The following BPHL variants were observed in gnomAD, a reference collection of about 807,000 sequenced individuals.
BPHL encodes biphenyl hydrolase like.
Under a neutral mutation model 31.2 loss-of-function variants are expected in BPHL, and 27 were observed. The observed-to-expected ratio is 0.87, with a 90% CI of 0.64 to 1.19. The LOEUF (loss-of-function observed/expected upper bound fraction) is 1.19, where lower values mean the gene tolerates loss of function less well. Ranked by LOEUF, BPHL falls within the 50% of genes most tolerant of loss-of-function variation. The pLI is 0.00. For missense variants in BPHL, 356 were observed against 375.7 expected (o/e 0.95, Z 0.43); for synonymous variants, 150 against 146.8 (o/e 1.02, Z -0.16).
intron 6 of BPHL, among the ~76,000 whole-genome samples, chr6:3,151,198 C>T (rs1762513819): frequency 6.6e-6 from 1 of 152,098 alleles, no homozygotes; most frequent in Non-Finnish European, 1.5e-5. Flanking sequence ...TCTATGACCT[C>T]GCAGCATCCT....
intron 4 of BPHL, among the ~76,000 whole-genome samples, chr6:3,133,265 A>G (rs1761922602): frequency 1.3e-5 from 2 of 151,832 alleles, no homozygotes; most frequent in African/African-American, 4.8e-5. Flanking sequence ...GAGTGGCCCC[A>G]TCTTGCCCTA....
chr6:3,133,644 C>G (rs147961203), intron 4 of BPHL, among the ~76,000 whole-genome samples: 2 of 152,244 alleles, frequency 1.3e-5, no homozygotes, highest in East Asian at 3.9e-4. Context: ...TTCCCGCTCC[C>G]TTCCCACTCC....
chr6:3,134,949 C>G (rs1761973494), intron 4 of BPHL, among the ~76,000 whole-genome samples: 1 of 151,920 alleles, frequency 6.6e-6, no homozygotes, highest in South Asian at 2.1e-4. Flanking sequence ...ATTGCCCAGG[C>G]TGGTCTTGAA....
chr6:3,137,388 G>A lies in BPHL; in HGVS notation c.559G>A (p.Glu187Lys), dbSNP rs1306376669. 6 of 1,612,470 alleles carry A rather than the reference G, an allele frequency of 3.7e-6. No individual in the cohort carries two copies. The South Asian group carries it at 4.4e-5, about 12-fold the overall frequency. ...EGIRDVSKWS[E>K]RTRKPLEALY... ...CATCCGAGATGTTTCCAAATGGAGT[G>A]AGAGAACAAGAAAGCCTCTAGAAGC... The change falls in exon 5 of 7, where the codon GAG becomes AAG. Residue 187 changes from glutamate (E) to lysine (K), a missense_variant. Coordinates refer to ENST00000380379, the MANE Select transcript of BPHL (RefSeq NM_004332.4).
intron 1 of BPHL, among the ~76,000 whole-genome samples, chr6:3,123,352 T>C (rs1761625583): frequency 6.6e-6 from 1 of 152,224 alleles, no homozygotes; most frequent in Non-Finnish European, 1.5e-5. Context: ...ATTTTATTTT[T>C]TAATTGACAT....
rs1762136719 is a variant in BPHL, at chr6:3,140,323, GCCT to G, written c.665-58_665-56del. 1.3e-6 allele frequency: 2 copies of G among 1,585,236 alleles called. No homozygotes were observed. Among genetic ancestry groups the G allele is most frequent in the East Asian group, 4.6e-5 (2 of 43,472 alleles). On this transcript the variant is annotated intron_variant, in intron 5 of 6. Transcript: ENST00000380379. This position sits in a 1 kb window ranked among gnomAD's most constrained non-coding sequence, Gnocchi z 5.2. Reference sequence around the variant, plus strand: ...GGAGGGGCAGGGCTCGCCGAGTTTCGCCTCCTCTGACCGCGTAGAATGGTTGCA... The same window carrying G: ...GGAGGGGCAGGGCTCGCCGAGTTTCGCCTCTGACCGCGTAGAATGGTTGCA...
chr6:3,118,679 G>A, upstream of BPHL: 2 of 1,172,368 alleles, frequency 1.7e-6, no homozygotes, highest in Non-Finnish European at 2.2e-6. Context: ...GGGCAGAGTG[G>A]GCCGGGTACC....
intron 1 of BPHL, among the ~76,000 whole-genome samples, chr6:3,122,724 G>C (rs1761610122): frequency 1.3e-5 from 2 of 152,186 alleles, no homozygotes; most frequent in African/African-American, 4.8e-5. Flanking sequence ...CTTATGGACA[G>C]GGCTACTTAG....
At chr6:3,145,022 G>T (rs977717552) in intron 6 of BPHL, among the ~76,000 whole-genome samples, 2 of 152,226 alleles carry the variant, frequency 1.3e-5, no homozygotes, top group Non-Finnish European at 2.9e-5. Flanking sequence ...CTCAGACCTC[G>T]GTTGGAGTGC....
chr6:3,137,508 T>A lies in BPHL; in HGVS notation c.664+15T>A. On this transcript the variant is annotated intron_variant, in intron 5 of 6. Coordinates refer to ENST00000380379, the MANE Select transcript of BPHL (RefSeq NM_004332.4). Reference sequence around the variant, plus strand: ...TCTCCCAGATGGTAGGTTACTGGGCTTGAAGGGCTCTCTGCCTGTTATAGA... The same window carrying A: ...TCTCCCAGATGGTAGGTTACTGGGCATGAAGGGCTCTCTGCCTGTTATAGA... 6.2e-7 allele frequency: 1 copy of A among 1,613,662 alleles called. No individual in the cohort carries two copies. Among genetic ancestry groups the A allele is most frequent in the Non-Finnish European group, 8.5e-7 (1 of 1,179,876 alleles).
At chr6:3,145,898 C>CG (rs1368469553) in intron 6 of BPHL, among the ~76,000 whole-genome samples, 2 of 36,682 alleles carry the variant, frequency 5.5e-5, no homozygotes, top group Non-Finnish European at 1.1e-4. Context: ...TGGTTTGGGT[C>CG]GAGTGCTGGT....
chr6:3,149,210 C>T lies in BPHL; in HGVS notation c.789-3278C>T, dbSNP rs1197021039. On this transcript the variant is annotated intron_variant, in intron 6 of 6. Coordinates refer to ENST00000380379, the MANE Select transcript of BPHL (RefSeq NM_004332.4). This position sits in a 1 kb window ranked among gnomAD's most constrained non-coding sequence, Gnocchi z 4.6. ...TGGTTAGACAAAACTGTCCTGGCCC[C>T]GTAAAGCCAGTGTTTTCCTCCCACG... is the stretch of plus-strand genomic sequence containing the variant. 1.3e-5 allele frequency among the ~76,000 whole-genome samples: 2 copies of T among 152,108 alleles called. No homozygotes were observed. The highest frequency in any genetic ancestry group is 2.4e-5 in the African/African-American group (1 of 41,418).
At chr6:3,143,870 G>C (rs148520051) in intron 6 of BPHL, among the ~76,000 whole-genome samples, 2 of 151,864 alleles carry the variant, frequency 1.3e-5, no homozygotes, top group Non-Finnish European at 3.0e-5. Context: ...TTTCAGACTC[G>C]ACTGCAAACG....
At chr6:3,121,381 T>C (rs983963797) in intron 1 of BPHL, among the ~76,000 whole-genome samples, 6 of 138,626 alleles carry the variant, frequency 4.3e-5, no homozygotes, top group African/African-American at 1.6e-4. Context: ...CTCACTGTAA[T>C]CTTCACCTCC....
chr6:3,140,542 G>A lies in BPHL; in HGVS notation c.788+33G>A, dbSNP rs561351015. On this transcript the variant is annotated intron_variant, in intron 6 of 6. Transcript: ENST00000380379. This position sits in a 1 kb window ranked among gnomAD's most constrained non-coding sequence, Gnocchi z 5.2. ...CTGTCACCGCCTTCACACTCCCCCC[G>A]AGAGCCTCGGAGTCAATGGGCAAAG... is the stretch of plus-strand genomic sequence containing the variant. The A allele has an allele frequency of 1.4e-5, 22 of 1,609,826 alleles. No individual in the cohort carries two copies. The highest frequency in any genetic ancestry group is 3.3e-5 in the Admixed American group (2 of 59,748).
chr6:3,146,375 C>T (rs1762361516), intron 6 of BPHL, among the ~76,000 whole-genome samples: 1 of 111,894 alleles, frequency 8.9e-6, no homozygotes, highest in African/African-American at 3.7e-5. Context: ...AGTGCTGGTT[C>T]CAGTTGAGTG....
chr6:3,152,402 G>C (rs922757682), intron 6 of BPHL, 86 bp from the exon 7 acceptor site: 1 of 1,140,098 alleles, frequency 8.8e-7, no homozygotes, highest in African/African-American at 1.6e-5. Context: ...TTTCACTTTA[G>C]ATGTTTGTGA....
Position 3,130,027 on chromosome 6 carries a change from G to A in BPHL, c.532+829G>A, listed in dbSNP as rs538225963. Among the ~76,000 whole-genome samples the A allele has an allele frequency of 5.5e-3, 844 of 152,118 alleles. 4 individuals carry two copies. Among genetic ancestry groups the A allele is most frequent in the Non-Finnish European group, 8.5e-3 (576 of 67,984 alleles). ...TCTCCATGTTGGTCAGGCTGGTTTCGAATTCCCGACCTCAGGTGATCCACC... is the reference window on the plus strand; with the variant it reads ...TCTCCATGTTGGTCAGGCTGGTTTCAAATTCCCGACCTCAGGTGATCCACC... On this transcript the variant is annotated intron_variant, in intron 4 of 6. Transcript: ENST00000380379.
rs9328142 is a variant in BPHL, at chr6:3,137,522, G to T, written c.664+29G>T. On this transcript the variant is annotated intron_variant, in intron 5 of 6. Transcript: ENST00000380379. ...GGTTACTGGGCTTGAAGGGCTCTCTGCCTGTTATAGAGGGTGCTCGAGTTC... is the reference window on the plus strand; with the variant it reads ...GGTTACTGGGCTTGAAGGGCTCTCTTCCTGTTATAGAGGGTGCTCGAGTTC... The T allele has an allele frequency of 1.7e-3, 2,713 of 1,613,022 alleles. 44 individuals carry two copies. In the African/African-American group the frequency reaches 0.031, roughly 18 times the overall value.
Sources: allele counts gnomAD v4.1 joint callset (sites outside exome capture counted in the v4.1 genomes callset), GRCh38; gene constraint gnomAD v4.1.1; non-coding constraint Gnocchi (gnomAD v3.1); transcripts MANE v1.5; gene names NCBI Gene and HGNC (gene_info 2026-07-23, HGNC 2026-07-21).